STK39: variants seen among roughly 807,000 people sequenced by gnomAD.
STK39 encodes serine/threonine kinase 39, also known as STE20/SPS1-related proline-alanine-rich protein kinase.
STK39 carries 20 observed loss-of-function variants against 77.8 expected under a neutral mutation model. The observed-to-expected ratio is 0.26, with a 90% CI of 0.18 to 0.37. The LOEUF is 0.37. Among genes scored for constraint, STK39 ranks in the 10% least tolerant of loss-of-function variants. The pLI is 1.00. For synonymous variants in STK39, 246 were observed against 234.1 expected (o/e 1.05, Z -0.47); for missense variants, 479 against 656.5 (o/e 0.73, Z 2.95).
At chr2:167,957,449 T>C (rs1427956797) in intron 17 of STK39, among the ~76,000 whole-genome samples, 2 of 152,224 alleles carry the variant, frequency 1.3e-5, no homozygotes, top group African/African-American at 2.4e-5. Context: ...ACACTGACAC[T>C]GTAATATTCA....
At chr2:167,968,987 G>A (rs1692242533) in intron 16 of STK39, among the ~76,000 whole-genome samples, 1 of 152,178 alleles carries the variant, frequency 6.6e-6, no homozygotes, top group Admixed American at 6.5e-5. Context: ...TCGTGAGCCA[G>A]GGTGCCGGGG....
At chr2:168,147,063 G>A (rs1688158098) in intron 5 of STK39, among the ~76,000 whole-genome samples, 1 of 152,152 alleles carries the variant, frequency 6.6e-6, no homozygotes, top group African/African-American at 2.4e-5. Flanking sequence ...TTATTGAGAA[G>A]GAAATGCAAA....
chr2:168,161,646 C>T, intron 5 of STK39, 141 bp downstream of exon 5: 1 of 573,066 alleles, frequency 1.7e-6, no homozygotes, highest in African/African-American at 1.9e-5. Context: ...ATATGTTATC[C>T]TTCGGACCCA....
At chr2:168,232,996 A>G (rs1690499613) in intron 1 of STK39, among the ~76,000 whole-genome samples, 1 of 152,146 alleles carries the variant, frequency 6.6e-6, no homozygotes, top group Non-Finnish European at 1.5e-5. Flanking sequence ...ACGGCTATAG[A>G]TGAACTGAGA....
chr2:167,969,411 C>A (rs1427146381), intron 16 of STK39, among the ~76,000 whole-genome samples: 1 of 152,114 alleles, frequency 6.6e-6, no homozygotes, highest in Non-Finnish European at 1.5e-5. Flanking sequence ...GTCAGTGAGA[C>A]CCTCCATGGT....
At chr2:168,122,434 G>C (rs980281435) in intron 10 of STK39, among the ~76,000 whole-genome samples, 1 of 151,978 alleles carries the variant, frequency 6.6e-6, no homozygotes, top group Non-Finnish European at 1.5e-5. Context: ...CCAGTGTACT[G>C]TCATTTTGGG....
chr2:168,059,265 G>C (rs1413560243), intron 14 of STK39, among the ~76,000 whole-genome samples: 1 of 152,156 alleles, frequency 6.6e-6, no homozygotes, highest in Non-Finnish European at 1.5e-5. Flanking sequence ...CCTTGAGTAT[G>C]AACAGGACCT....
At chr2:168,028,606 G>C (rs1254447561) in intron 14 of STK39, among the ~76,000 whole-genome samples, 1 of 152,162 alleles carries the variant, frequency 6.6e-6, no homozygotes, top group Non-Finnish European at 1.5e-5. Flanking sequence ...CTTTTTTGTA[G>C]CAGGAAAAAA....
At position 168,114,272 on chromosome 2, in the gene STK39, C is replaced by T. The variant is rs558249176; in HGVS notation, c.1089+15269G>A. On this transcript the variant is annotated intron_variant, in intron 10 of 17. Coordinates refer to ENST00000355999, the MANE Select transcript of STK39 (RefSeq NM_013233.3). ...GAACGAAAGAGCAGGATGAAATTCA[C>T]TAACCTTAGACAATAATTTCCTTAA... Among the ~76,000 whole-genome samples, 12 of 152,302 alleles carry T rather than the reference C, an allele frequency of 7.9e-5. No individual in the cohort carries two copies. The East Asian group carries it at 1.7e-3, about 22-fold the overall frequency.
chr2:168,031,777 C>T (rs1304854409), intron 14 of STK39, among the ~76,000 whole-genome samples: 1 of 152,186 alleles, frequency 6.6e-6, no homozygotes, highest in Non-Finnish European at 1.5e-5. Flanking sequence ...GGCGCCAGAA[C>T]AATGAGAAAA....
chr2:168,030,894 T>C (rs1371103000), intron 14 of STK39, among the ~76,000 whole-genome samples: 2 of 152,234 alleles, frequency 1.3e-5, no homozygotes, highest in Non-Finnish European at 2.9e-5. Context: ...GTTGTTAATG[T>C]ATATCAGAAG....
chr2:168,012,938 C>T (rs547540304), intron 15 of STK39, among the ~76,000 whole-genome samples: 3 of 152,256 alleles, frequency 2.0e-5, no homozygotes, highest in African/African-American at 7.2e-5. Context: ...CTATTTTTGG[C>T]GAACTAAAAA....
intron 5 of STK39, among the ~76,000 whole-genome samples, chr2:168,147,670 TG>T (rs147890330): frequency 0.071 from 10,771 of 152,256 alleles, 412 homozygotes; most frequent in African/African-American, 0.075. Context: ...GACATAATCC[TG>T]GCCTTGCAGT....
intron 10 of STK39, among the ~76,000 whole-genome samples, chr2:168,102,878 C>G (rs932288354): frequency 2.2e-5 from 3 of 139,084 alleles, no homozygotes; most frequent in Admixed American, 7.9e-5. Flanking sequence ...TGTAGTGAGC[C>G]GAGATTGCAC....
intron 14 of STK39, among the ~76,000 whole-genome samples, chr2:168,018,521 AAAGAAAGAAAAGAAAGAAAAG>A (rs1411933873): frequency 9.2e-4 from 91 of 98,418 alleles, no homozygotes; most frequent in African/African-American, 4.8e-3. Flanking sequence ...AAAAGAAAGA[AAAGAAAGAAAAGAAAGAAAAG>A]AAAGAAAGAA....
At chr2:167,986,684 C>T (rs1316271370) in intron 16 of STK39, among the ~76,000 whole-genome samples, 1 of 152,076 alleles carries the variant, frequency 6.6e-6, no homozygotes, top group Admixed American at 6.5e-5. Flanking sequence ...CAGAAGGAGA[C>T]AAACCAAACA....
intron 16 of STK39, among the ~76,000 whole-genome samples, chr2:167,972,201 C>T (rs957199364): frequency 2.0e-5 from 3 of 152,130 alleles, no homozygotes; most frequent in Non-Finnish European, 4.4e-5. Flanking sequence ...CAGACTCTGG[C>T]CTCTCTCTGT....
chr2:168,059,105 C>G (rs1685598011), intron 14 of STK39, among the ~76,000 whole-genome samples: 1 of 152,188 alleles, frequency 6.6e-6, no homozygotes, highest in African/African-American at 2.4e-5. Context: ...GTGCTGTTTG[C>G]TCGGCCTCGT....
At chr2:168,185,433 T>C (rs1375257366) in intron 1 of STK39, among the ~76,000 whole-genome samples, 6 of 152,240 alleles carry the variant, frequency 3.9e-5, no homozygotes, top group Non-Finnish European at 8.8e-5. Flanking sequence ...ATTATGTCAA[T>C]GGCAATCAGA....
Sources: gnomAD v4.1 joint callset for allele counts (sites outside exome capture counted in the v4.1 genomes callset) on GRCh38, gnomAD v4.1.1 for gene constraint, MANE v1.5 for transcripts, NCBI Gene and HGNC (gene_info 2026-07-23, HGNC 2026-07-21) for gene names.